The following SLCO6A1 variants were observed in gnomAD, a reference collection of about 807,000 sequenced individuals.
SLCO6A1 encodes solute carrier organic anion transporter family member 6A1, also known as cancer/testis antigen 48.
In SLCO6A1, 65 loss-of-function variants were observed where a neutral mutation model predicts 72.7. That is an observed-to-expected ratio of 0.89 (90% CI 0.73 to 1.10). SLCO6A1 has a LOEUF of 1.10. Ranked by LOEUF, SLCO6A1 falls within the 50% of genes least tolerant of loss-of-function variation. SLCO6A1 has a pLI of 0.00. For synonymous variants in SLCO6A1, 314 were observed against 298.2 expected (o/e 1.05, Z -0.55); for missense variants, 874 against 872.6 (o/e 1.00, Z -0.02).
chr5:102,446,220 A>G (rs571113474), intron 6 of SLCO6A1, among the ~76,000 whole-genome samples: 1 of 152,220 alleles, frequency 6.6e-6, no homozygotes, highest in East Asian at 1.9e-4. Flanking sequence ...ATATTTTTCC[A>G]TTTGTTTGTG....
intron 1 of SLCO6A1, among the ~76,000 whole-genome samples, chr5:102,485,049 C>T (rs1004725359): frequency 2.0e-5 from 3 of 151,800 alleles, no homozygotes; most frequent in African/African-American, 4.8e-5. Flanking sequence ...GTCAGGAGTT[C>T]GAGACCAGCC....
At chr5:102,496,106 G>A (rs995079836) in intron 1 of SLCO6A1, among the ~76,000 whole-genome samples, 12 of 152,202 alleles carry the variant, frequency 7.9e-5, no homozygotes, top group East Asian at 3.8e-4. Context: ...TGTGAGGAAC[G>A]ATGGTTATGT....
At chr5:102,474,346 CAG>C (rs952792787) in intron 4 of SLCO6A1, among the ~76,000 whole-genome samples, 1 of 151,896 alleles carries the variant, frequency 6.6e-6, no homozygotes, top group African/African-American at 2.4e-5. Flanking sequence ...CTTCAAAAAA[CAG>C]TGTTGGGAAA....
chr5:102,406,319 A>G (rs1343115028), intron 9 of SLCO6A1, among the ~76,000 whole-genome samples: 1 of 152,110 alleles, frequency 6.6e-6, no homozygotes, highest in Non-Finnish European at 1.5e-5. Context: ...TATAATAATG[A>G]TTTAATATCA....
rs148741177 is a variant in SLCO6A1 at position 102,378,938 on chromosome 5, G to A, written c.2018-5444C>T. The stretch of plus-strand genomic sequence containing the variant: ...TGGGGTTACAGGTGCCCGCCACTAC[G>A]CCTAGCTAATTTTTGTGTTTTTAGT... On this transcript the variant is annotated intron_variant, in intron 12 of 13. Coordinates refer to ENST00000506729, the MANE Select transcript of SLCO6A1 (RefSeq NM_173488.5). 5.5e-3 allele frequency among the ~76,000 whole-genome samples: 834 copies of A among 151,978 alleles called. 3 individuals are homozygous for A. Among genetic ancestry groups the A allele is most frequent in the African/African-American group, 0.019 (798 of 41,458 alleles).
At chr5:102,420,344 T>A (rs1748525921) in intron 7 of SLCO6A1, among the ~76,000 whole-genome samples, 1 of 152,172 alleles carries the variant, frequency 6.6e-6, no homozygotes, top group South Asian at 2.1e-4. Context: ...CTTATTGAGA[T>A]CTATTATTAA....
At chr5:102,438,074 T>C (rs2112677879) in intron 7 of SLCO6A1, among the ~76,000 whole-genome samples, 1 of 152,218 alleles carries the variant, frequency 6.6e-6, no homozygotes, top group Middle Eastern at 3.4e-3. Context: ...ACCTTTTCAT[T>C]ACTACGCTGG....
chr5:102,446,536 C>T (rs745749424), intron 6 of SLCO6A1, among the ~76,000 whole-genome samples: 14 of 152,164 alleles, frequency 9.2e-5, no homozygotes, highest in Non-Finnish European at 1.5e-4. Flanking sequence ...TTGACTTCCT[C>T]TCTTCCTATT....
intron 1 of SLCO6A1, among the ~76,000 whole-genome samples, chr5:102,496,928 T>G (rs571862205): frequency 6.6e-6 from 1 of 152,346 alleles, no homozygotes; most frequent in East Asian, 1.9e-4. Flanking sequence ...TTCAAAACTG[T>G]ACCTACTATA....
At chr5:102,448,297 G>A (rs536524116) in intron 6 of SLCO6A1, among the ~76,000 whole-genome samples, 1 of 152,240 alleles carries the variant, frequency 6.6e-6, no homozygotes, top group East Asian at 1.9e-4. Context: ...CTGATTGCGT[G>A]GTCAATTTTA....
At position 102,480,340 on chromosome 5, in the gene SLCO6A1, G is replaced by GT; in HGVS notation, c.452dup (p.Tyr151Ter). The GT allele has an allele frequency of 2.5e-6, 4 of 1,613,430 alleles. No homozygotes were observed. The highest frequency in any genetic ancestry group is 2.5e-6 in the Non-Finnish European group (3 of 1,179,702). Residue 151 changes from tyrosine (Y) to a stop codon, truncating the protein, a stop_gained and frameshift_variant, in exon 2 of 14, where the codon TAC (tyrosine) becomes TAAC (stop). Transcript: ENST00000506729. LOFTEE classifies it high-confidence loss of function. ...TTGCTACCAGGCCAGATGAAATATC[G>GT]TAACTCTTTTCCAATGCCAACTTCT... The part of the protein sequence containing the change: ...TIEKLALEKS[Y>*]DISSGLVAIF...
chr5:102,468,528 T>C (rs1751424916), intron 4 of SLCO6A1, among the ~76,000 whole-genome samples: 1 of 152,080 alleles, frequency 6.6e-6, no homozygotes. Context: ...TAAGTACATA[T>C]ATATTTAGGA....
intron 7 of SLCO6A1, among the ~76,000 whole-genome samples, chr5:102,428,830 C>T (rs1839922): frequency 0.053 from 8,061 of 152,142 alleles, 708 homozygotes; most frequent in African/African-American, 0.18. Context: ...GAGATTGCTG[C>T]ATCACATGGT....
At chr5:102,389,452 A>T (rs7728162) in intron 11 of SLCO6A1, among the ~76,000 whole-genome samples, 1 of 58,058 alleles carries the variant, frequency 1.7e-5, no homozygotes, top group Non-Finnish European at 3.3e-5. Context: ...CCCGCCCCCC[A>T]CCCCCACACA....
At chr5:102,477,979 G>C in intron 2 of SLCO6A1, 118 bp from the exon 3 acceptor site, 1 of 939,568 alleles carries the variant, frequency 1.1e-6, no homozygotes, top group Non-Finnish European at 1.6e-6. Context: ...TTTTCTTTTA[G>C]TTAACATTTC....
intron 8 of SLCO6A1, among the ~76,000 whole-genome samples, chr5:102,418,545 A>T (rs1748417767): frequency 6.6e-6 from 1 of 152,118 alleles, no homozygotes; most frequent in Non-Finnish European, 1.5e-5. Context: ...TCTGTTGGAT[A>T]ATTATTGCTA....
chr5:102,388,814 C>T lies in SLCO6A1; in HGVS notation c.1891G>A (p.Gly631Arg). The T allele has an allele frequency of 6.3e-7, 1 of 1,595,680 alleles. No individual in the cohort carries two copies. Among genetic ancestry groups the T allele is most frequent in the Non-Finnish European group, 8.5e-7 (1 of 1,175,300 alleles). ...VILRIFGTIP[G>R]PSIFKMSGET... ...CCTGACATTTTAAAGATTGATGGTC[C>T]AGGAATAGTCCCTATGAAAAATGCA... The change falls in exon 12 of 14, where the codon GGA becomes AGA. Residue 631 changes from glycine (G) to arginine (R), a missense_variant. Transcript: ENST00000506729.
At chr5:102,456,904 A>C (rs898032355) in intron 6 of SLCO6A1, among the ~76,000 whole-genome samples, 1 of 152,156 alleles carries the variant, frequency 6.6e-6, no homozygotes, top group African/African-American at 2.4e-5. Context: ...CAAAACAGAG[A>C]TATAGACCAA....
intron 6 of SLCO6A1, among the ~76,000 whole-genome samples, chr5:102,444,458 A>T (rs1272160138): frequency 6.6e-6 from 1 of 152,170 alleles, no homozygotes; most frequent in Non-Finnish European, 1.5e-5. Flanking sequence ...ACTCTGTTTT[A>T]CTTTGTGATT....
Sources: gnomAD v4.1 joint callset for allele counts (sites outside exome capture counted in the v4.1 genomes callset) on GRCh38, gnomAD v4.1.1 for gene constraint, MANE v1.5 for transcripts, NCBI Gene and HGNC (gene_info 2026-07-23, HGNC 2026-07-21) for gene names.